DPP6: variants seen among roughly 807,000 people sequenced by gnomAD.
DPP6 encodes dipeptidyl peptidase like 6.
A neutral mutation model predicts 122.6 loss-of-function variants in DPP6; 69 were observed. That is an observed-to-expected ratio of 0.56 (90% CI 0.46 to 0.69). DPP6 has a LOEUF of 0.69. Among genes scored for constraint, DPP6 ranks in the 30% least tolerant of loss-of-function variants. The pLI is 0.00. For missense variants in DPP6, 928 were observed against 1,116.9 expected (o/e 0.83, Z 2.41); for synonymous variants, 418 against 433.1 (o/e 0.97, Z 0.43).
At chr7:154,508,160 C>A (rs1190977930) in intron 3 of DPP6, among the ~76,000 whole-genome samples, 1 of 152,154 alleles carries the variant, frequency 6.6e-6, no homozygotes, top group Non-Finnish European at 1.5e-5. Flanking sequence ...GAACTCTTGC[C>A]TTCCAGCTTG....
intron 14 of DPP6, among the ~76,000 whole-genome samples, chr7:154,804,594 A>T (rs1451809371): frequency 6.6e-6 from 1 of 152,210 alleles, no homozygotes; most frequent in Non-Finnish European, 1.5e-5. Context: ...GCCCTTCAGA[A>T]GGTGAGTGAT....
intron 1 of DPP6, among the ~76,000 whole-genome samples, chr7:153,955,990 G>C (rs1414767245): frequency 1.3e-5 from 2 of 152,184 alleles, no homozygotes; most frequent in East Asian, 3.9e-4. Context: ...CCTTTGGATT[G>C]TGGTCCTATA....
chr7:154,344,580 G>T (rs1810231259), intron 1 of DPP6, among the ~76,000 whole-genome samples: 1 of 152,164 alleles, frequency 6.6e-6, no homozygotes, highest in African/African-American at 2.4e-5. Context: ...AGCTGTACCA[G>T]CCTGCGATAC....
In DPP6 at chr7:154,863,190, C is replaced by T. The variant is rs1803563807; in HGVS notation, c.1715-4805C>T. ...GCATTGGGATTACAGACGTGAGCCA[C>T]CGCACCCGAACCCTTTCCTTTGTCT... On this transcript the variant is annotated intron_variant, in intron 17 of 25. Transcript: ENST00000377770. This position sits in a 1 kb window ranked among gnomAD's most constrained non-coding sequence, Gnocchi z 4.1. 6.6e-6 allele frequency among the ~76,000 whole-genome samples: 1 copy of T among 152,208 alleles called. No homozygotes were observed. Among genetic ancestry groups the T allele is most frequent in the Non-Finnish European group, 1.5e-5 (1 of 68,040 alleles).
At chr7:154,363,292 G>A (rs1357688134) in intron 1 of DPP6, among the ~76,000 whole-genome samples, 1 of 152,334 alleles carries the variant, frequency 6.6e-6, no homozygotes, top group South Asian at 2.1e-4. Context: ...AATGCTCAAT[G>A]TTCCAGAAGT....
intron 1 of DPP6, among the ~76,000 whole-genome samples, chr7:154,235,320 G>A (rs932281559): frequency 9.9e-5 from 15 of 152,132 alleles, no homozygotes; most frequent in African/African-American, 2.9e-4. Context: ...ATGTTTTCAA[G>A]GCTCATCCAG....
intron 1 of DPP6, among the ~76,000 whole-genome samples, chr7:154,150,052 C>T (rs1397231016): frequency 6.6e-6 from 1 of 152,216 alleles, no homozygotes; most frequent in Non-Finnish European, 1.5e-5. Flanking sequence ...TCGCTTGAAT[C>T]TACAGCAAAC....
intron 13 of DPP6, among the ~76,000 whole-genome samples, chr7:154,802,315 C>T (rs1030288598): frequency 6.6e-6 from 1 of 152,138 alleles, no homozygotes; most frequent in African/African-American, 2.4e-5. Flanking sequence ...CAAGAACATC[C>T]GCACTAAGAG....
intron 1 of DPP6, chr7:153,887,767 G>T: frequency 1.2e-6 from 2 of 1,604,436 alleles, no homozygotes; most frequent in Non-Finnish European, 1.7e-6. Flanking sequence ...GCGCTGGGTC[G>T]GGGGGACCCA....
At chr7:154,585,205 T>C (rs1183718634) in intron 5 of DPP6, among the ~76,000 whole-genome samples, 3 of 152,226 alleles carry the variant, frequency 2.0e-5, no homozygotes, top group Admixed American at 6.5e-5. Context: ...GAGAAAACTT[T>C]AGGCCTCTAA....
At chr7:153,775,422 A>G in the DPP6 span, among the ~76,000 whole-genome samples, 1 of 151,420 alleles carries the variant, frequency 6.6e-6, no homozygotes, top group Non-Finnish European at 1.5e-5. Flanking sequence ...GTTTCTATAA[A>G]CAAGTTACAG....
intron 1 of DPP6, among the ~76,000 whole-genome samples, chr7:153,979,029 C>A (rs1796446698): frequency 6.6e-6 from 1 of 151,968 alleles, no homozygotes; most frequent in Admixed American, 6.6e-5. Flanking sequence ...TATATGGGCT[C>A]TTTTTTCGGT....
chr7:153,917,342 G>A (rs979598889), intron 1 of DPP6, among the ~76,000 whole-genome samples: 6 of 152,318 alleles, frequency 3.9e-5, no homozygotes, highest in South Asian at 2.1e-4. Flanking sequence ...TCTTTGCTAC[G>A]TTTTTCCAGC....
At chr7:154,603,909 T>C (rs1227150853) in intron 5 of DPP6, among the ~76,000 whole-genome samples, 1 of 119,578 alleles carries the variant, frequency 8.4e-6, no homozygotes, top group Admixed American at 9.5e-5. Flanking sequence ...GTGGGATTTC[T>C]TAGTGTCTGA....
At chr7:154,561,801 T>C (rs969555960) in intron 4 of DPP6, among the ~76,000 whole-genome samples, 2 of 151,814 alleles carry the variant, frequency 1.3e-5, no homozygotes, top group South Asian at 4.2e-4. Context: ...GGAAAAAAAA[T>C]CAGACACCAA....
Position 153,887,763 on chromosome 7 carries a change from G to T in DPP6, c.51+29G>T, listed in dbSNP as rs770225949. The T allele has an allele frequency of 2.4e-5, 38 of 1,609,198 alleles. 1 individual carries two copies. The South Asian group carries it at 3.3e-4, about 14-fold the overall frequency. ...AGTGCCACGGACAGGGCGCGCGCTG[G>T]GTCGGGGGGACCCACCGTGAGGAGC... On this transcript the variant is annotated intron_variant, in intron 1 of 25. Transcript: ENST00000404039.
the DPP6 span, among the ~76,000 whole-genome samples, chr7:153,770,015 G>A: frequency 2.0e-5 from 3 of 152,092 alleles, no homozygotes; most frequent in African/African-American, 7.2e-5. Flanking sequence ...TGTGAATCCA[G>A]GCATTCACAG....
At chr7:154,155,717 G>C (rs938986380) in intron 1 of DPP6, among the ~76,000 whole-genome samples, 5 of 152,150 alleles carry the variant, frequency 3.3e-5, no homozygotes, top group African/African-American at 1.2e-4. Context: ...GAACCTATAA[G>C]TTTCAGAATG....
intron 1 of DPP6, among the ~76,000 whole-genome samples, chr7:154,148,015 A>T (rs959607928): frequency 3.3e-5 from 5 of 150,574 alleles, no homozygotes; most frequent in African/African-American, 1.2e-4. Context: ...TCCCAGGTGG[A>T]TCACGTCCGA....
Sources: allele counts gnomAD v4.1 joint callset (sites outside exome capture counted in the v4.1 genomes callset), GRCh38; gene constraint gnomAD v4.1.1; non-coding constraint Gnocchi (gnomAD v3.1); transcripts MANE v1.5; gene names NCBI Gene and HGNC (gene_info 2026-07-23, HGNC 2026-07-21).